PPP4R3B: variants seen among roughly 807,000 people sequenced by gnomAD.
PPP4R3B encodes protein phosphatase 4 regulatory subunit 3B.
A neutral mutation model predicts 95.4 loss-of-function variants in PPP4R3B; 52 were observed. The ratio of observed to expected loss-of-function variants is 0.54; its 90% CI spans 0.44 to 0.69. The LOEUF (loss-of-function observed/expected upper bound fraction) is 0.69, where lower values mean the gene tolerates loss of function less well. Among genes scored for constraint, PPP4R3B ranks in the 30% least tolerant of loss-of-function variants. The pLI is 0.00. For synonymous variants in PPP4R3B, 407 were observed against 343.9 expected (o/e 1.18, Z -2.03); for missense variants, 1,003 against 1,005.9 (o/e 1.00, Z 0.04).
intron 12 of PPP4R3B, among the ~76,000 whole-genome samples, chr2:55,573,133 A>C (rs1688221310): frequency 6.6e-6 from 1 of 152,194 alleles, no homozygotes; most frequent in Non-Finnish European, 1.5e-5. Flanking sequence ...CATTAAATTA[A>C]ATGTCTATAT....
At chr2:55,598,046 C>T (rs561003688) in intron 4 of PPP4R3B, among the ~76,000 whole-genome samples, 2 of 152,166 alleles carry the variant, frequency 1.3e-5, no homozygotes, top group South Asian at 4.1e-4. Context: ...AGTGAAACCC[C>T]TTCCCTACTA....
At chr2:55,613,498 CAAAAAT>C (rs1205840695) in intron 2 of PPP4R3B, among the ~76,000 whole-genome samples, 1 of 151,922 alleles carries the variant, frequency 6.6e-6, no homozygotes, top group Non-Finnish European at 1.5e-5. Context: ...TAAGTGTATA[CAAAAAT>C]GCTAATTATC....
At chr2:55,599,728 A>G (rs1463592259) in intron 3 of PPP4R3B, among the ~76,000 whole-genome samples, 1 of 152,174 alleles carries the variant, frequency 6.6e-6, no homozygotes, top group Non-Finnish European at 1.5e-5. Flanking sequence ...CTAGTCTATA[A>G]TCCTATCGTC....
chr2:55,569,475 C>T (rs1687717116), intron 12 of PPP4R3B, among the ~76,000 whole-genome samples: 1 of 152,170 alleles, frequency 6.6e-6, no homozygotes, highest in Admixed American at 6.5e-5. Flanking sequence ...CTTTATGTTC[C>T]ATCCTGTACA....
rs1572775978 is a variant in PPP4R3B, at chr2:55,617,548, G to A, written c.-263C>T. Reference sequence around the variant, plus strand: ...CCCGTCTCTTTGCCCCCCAGGGCTCGCTTGCTCTCCCGCCGCCGCGGTAAC... The same window carrying A: ...CCCGTCTCTTTGCCCCCCAGGGCTCACTTGCTCTCCCGCCGCCGCGGTAAC... On this transcript the variant is annotated 5_prime_UTR_variant, in exon 1 of 17. Coordinates refer to ENST00000616407, the MANE Select transcript of PPP4R3B (RefSeq NM_001122964.3). 3 of 379,604 alleles carry A rather than the reference G, an allele frequency of 7.9e-6. No homozygotes were observed. The highest frequency in any genetic ancestry group is 8.4e-5 in the East Asian group (2 of 23,740). 23.5% of individuals were successfully genotyped at this position (379,604 alleles called of 1,614,324 possible). A position where few individuals can be genotyped will look rare whatever the true frequency, so the allele number is the denominator to read the frequency against.
chr2:55,568,284 A>C lies in PPP4R3B; in HGVS notation c.1845T>G (p.Phe615Leu). The change falls in exon 13 of 17, where the codon TTT (phenylalanine) becomes TTG (leucine). Residue 615 changes from phenylalanine (F) to leucine (L), a missense_variant. This residue lies in a region of PPP4R3B where 79 missense variants were observed against 124.9 expected (regional missense o/e 0.63). Transcript: ENST00000616407. ...CCAGAAGTGCATTTATAACTGGCTC[A>C]AAAAGATTTCCCTTGGTGATGTAAC... ...YNRYITKGNL[F>L]EPVINALLDN... 2 of 1,611,358 alleles carry C rather than the reference A, an allele frequency of 1.2e-6. No individual in the cohort carries two copies. Among genetic ancestry groups the C allele is most frequent in the Non-Finnish European group, 1.7e-6 (2 of 1,178,682 alleles).
intron 3 of PPP4R3B, among the ~76,000 whole-genome samples, chr2:55,602,183 T>C (rs966160797): frequency 1.3e-5 from 2 of 152,204 alleles, no homozygotes; most frequent in Non-Finnish European, 2.9e-5. Flanking sequence ...GTTAGTTGTT[T>C]CTTTAAACCT....
intron 15 of PPP4R3B, among the ~76,000 whole-genome samples, chr2:55,561,224 T>C (rs749876494): frequency 1.3e-5 from 2 of 152,188 alleles, no homozygotes; most frequent in Non-Finnish European, 2.9e-5. Context: ...ACACGGGGCC[T>C]GTGGGGTAGA....
At position 55,581,415 on chromosome 2, in the gene PPP4R3B, T is replaced by C. The variant is rs56062543; in HGVS notation, c.1365+152A>G. ...AAGATTTTGACGGATTACAATTTTG[T>C]ATTTTACCACAAATGAATTGCTATA... is the stretch of plus-strand genomic sequence containing the variant. On this transcript the variant is annotated intron_variant, in intron 8 of 16. Coordinates refer to ENST00000616407, the MANE Select transcript of PPP4R3B (RefSeq NM_001122964.3). 1,230 of 816,652 alleles carry C rather than the reference T, an allele frequency of 1.5e-3. 4 individuals carry two copies. The highest frequency in any genetic ancestry group is 0.014 in the Middle Eastern group (36 of 2,644). The allele number at this position is 816,652 out of a possible 1,614,324, so 50.6% of individuals were successfully genotyped here. A position where few individuals can be genotyped will look rare whatever the true frequency, so the allele number is the denominator to read the frequency against.
At chr2:55,610,230 T>C (rs1271890638) in intron 2 of PPP4R3B, among the ~76,000 whole-genome samples, 1 of 152,242 alleles carries the variant, frequency 6.6e-6, no homozygotes, top group East Asian at 1.9e-4. Flanking sequence ...TCATTTTTTG[T>C]ATCTGAATTA....
At chr2:55,614,081 T>G (rs1010925366) in intron 2 of PPP4R3B, 1 of 152,266 alleles carries the variant, frequency 6.6e-6, no homozygotes, top group South Asian at 2.1e-4. Context: ...AAGCTATGAA[T>G]TGAATATTGA....
intron 4 of PPP4R3B, among the ~76,000 whole-genome samples, chr2:55,596,145 C>T (rs188762778): frequency 6.6e-6 from 1 of 152,158 alleles, no homozygotes; most frequent in African/African-American, 2.4e-5. Flanking sequence ...TGGAAGAAAA[C>T]ATACTTTTAA....
intron 8 of PPP4R3B, among the ~76,000 whole-genome samples, chr2:55,580,730 G>A (rs1182552365): frequency 6.6e-6 from 1 of 152,034 alleles, no homozygotes; most frequent in Admixed American, 6.5e-5. Flanking sequence ...AACTTGTAAT[G>A]ATTTAAAAAC....
chr2:55,581,788 G>T, intron 7 of PPP4R3B, 90 bp from the exon 8 acceptor site: 2 of 1,348,026 alleles, frequency 1.5e-6, no homozygotes, highest in Non-Finnish European at 2.0e-6. Flanking sequence ...AGCAAAGTGA[G>T]AATTATATAG....
intron 4 of PPP4R3B, among the ~76,000 whole-genome samples, chr2:55,590,369 A>G (rs375924544): frequency 6.6e-6 from 1 of 152,158 alleles, no homozygotes; most frequent in Non-Finnish European, 1.5e-5. Context: ...TTGTTTGTCT[A>G]AAGTCTAGGA....
In PPP4R3B at chr2:55,564,535, A is replaced by G. The variant is rs540916818; in HGVS notation, c.2076-38T>C. On this transcript the variant is annotated intron_variant, in intron 14 of 16. Transcript: ENST00000616407. Reference sequence around the variant, plus strand: ...TATCACAAATATTGAGTAATGATTTAAAGTTCATCATCAGATTGAACTGAA... The same window carrying G: ...TATCACAAATATTGAGTAATGATTTGAAGTTCATCATCAGATTGAACTGAA... 2.2e-5 allele frequency: 33 copies of G among 1,527,148 alleles called. No individual in the cohort carries two copies. In the East Asian group the frequency reaches 7.2e-4, roughly 33 times the overall value. 94.6% of individuals were successfully genotyped at this position (1,527,148 alleles called of 1,614,324 possible).
intron 11 of PPP4R3B, among the ~76,000 whole-genome samples, chr2:55,574,590 C>A (rs922473087): frequency 6.6e-6 from 1 of 151,334 alleles, no homozygotes; most frequent in Non-Finnish European, 1.5e-5. Flanking sequence ...AATATTACAT[C>A]AAGATTCTTT....
intron 8 of PPP4R3B, among the ~76,000 whole-genome samples, chr2:55,580,954 C>T (rs1226137297): frequency 6.6e-6 from 1 of 152,078 alleles, no homozygotes; most frequent in East Asian, 1.9e-4. Flanking sequence ...ATAAAACTTG[C>T]TATTTAAAAA....
In PPP4R3B at chr2:55,581,822, C is replaced by T. The variant is rs1689480359; in HGVS notation, c.1234-124G>A. ...AGAGAAAAAACGAAGAATGGAATAG[C>T]TTATTTAAACCTCTATTCCTAATGC... On this transcript the variant is annotated intron_variant, in intron 7 of 16. Coordinates refer to ENST00000616407, the MANE Select transcript of PPP4R3B (RefSeq NM_001122964.3). The T allele has an allele frequency of 8.3e-6, 8 of 967,592 alleles. No homozygotes were observed. In the Admixed American group the frequency reaches 1.3e-4, roughly 15 times the overall value. 59.9% of individuals were successfully genotyped at this position (967,592 alleles called of 1,614,324 possible).
Sources: gnomAD v4.1 joint callset for allele counts (sites outside exome capture counted in the v4.1 genomes callset) on GRCh38, gnomAD v4.1.1 for gene constraint, gnomAD v4.1.1 regional missense constraint, MANE v1.5 for transcripts, NCBI Gene and HGNC (gene_info 2026-07-23, HGNC 2026-07-21) for gene names.